DNA2: variants seen among roughly 807,000 people sequenced by gnomAD.
The protein encoded by DNA2 is DNA replication ATP-dependent helicase/nuclease DNA2.
A neutral mutation model predicts 119.1 loss-of-function variants in DNA2; 101 were observed. The observed-to-expected ratio is 0.85, with a 90% CI of 0.72 to 1.00. The LOEUF (loss-of-function observed/expected upper bound fraction) is 1.00. Among genes scored for constraint, DNA2 ranks in the 50% least tolerant of loss-of-function variants. DNA2 has a pLI of 0.00. For missense variants in DNA2, 1,121 were observed against 1,255.5 expected, an observed-to-expected ratio of 0.89 and a Z score of 1.62; for synonymous variants, 366 against 424.4, an observed-to-expected ratio of 0.86 and a Z score of 1.69.
Position 68,434,012 on chromosome 10 carries a change from C to T in DNA2, c.1647-1502G>A, listed in dbSNP as rs150641166. On this transcript the variant is annotated intron_variant, in intron 10 of 20. Transcript: ENST00000358410. ...TCCCTTGGGCTGGCATGGTGGCTCA[C>T]GCCTGTAATCCCAACACTTTGGGAA... Among the ~76,000 whole-genome samples, 1,271 of 152,300 alleles carry T rather than the reference C, an allele frequency of 8.3e-3. 20 individuals are homozygous for T. The highest frequency in any genetic ancestry group is 0.029 in the African/African-American group (1,210 of 41,554).
chr10:68,445,165 G>T (rs1343443016), intron 7 of DNA2, 82 bp from the exon 8 acceptor site: 5 of 1,321,230 alleles, frequency 3.8e-6, no homozygotes, highest in Non-Finnish European at 2.1e-6. Flanking sequence ...AAAACTTGCA[G>T]ATTTAAAAAC....
At chr10:68,436,932 A>G (rs2051896038) in intron 10 of DNA2, 79 bp downstream of exon 10, 1 of 1,146,648 alleles carries the variant, frequency 8.7e-7, no homozygotes, top group Admixed American at 2.2e-5. Flanking sequence ...AGCGAATTGT[A>G]CATTTTAAAT....
intron 5 of DNA2, among the ~76,000 whole-genome samples, chr10:68,456,910 G>A (rs1255406392): frequency 5.3e-5 from 8 of 151,642 alleles, no homozygotes; most frequent in Admixed American, 2.6e-4. Flanking sequence ...CAAGGTGGGC[G>A]GATTACAAGG....
chr10:68,462,768 C>T (rs1312615858), intron 4 of DNA2, among the ~76,000 whole-genome samples: 1 of 152,158 alleles, frequency 6.6e-6, no homozygotes, highest in African/African-American at 2.4e-5. Context: ...TAATAACTAC[C>T]TTACAGTGTC....
intron 10 of DNA2, among the ~76,000 whole-genome samples, chr10:68,435,681 T>TCTC (rs10668050): frequency 0.22 from 33,454 of 151,662 alleles, 3,898 homozygotes; most frequent in East Asian, 0.38. Context: ...ATGGTCTTGA[T>TCTC]CTGACCTTGT....
intron 6 of DNA2, among the ~76,000 whole-genome samples, chr10:68,448,002 T>C (rs1242077418): frequency 1.3e-5 from 2 of 149,880 alleles, no homozygotes; most frequent in Non-Finnish European, 3.0e-5. Context: ...AAAAATTTAA[T>C]TTACACAAAA....
At chr10:68,435,757 A>G (rs1025847828) in intron 10 of DNA2, among the ~76,000 whole-genome samples, 1 of 152,128 alleles carries the variant, frequency 6.6e-6, no homozygotes, top group Non-Finnish European at 1.5e-5. Context: ...CCCCGCCTAT[A>G]TATTTTTATT....
chr10:68,427,499 T>G (rs1192845281), intron 14 of DNA2, among the ~76,000 whole-genome samples: 1 of 149,496 alleles, frequency 6.7e-6, no homozygotes, highest in East Asian at 2.0e-4. Context: ...TTGAAAATAT[T>G]AGGCAGGCAT....
chr10:68,467,419 T>TC (rs71019004), intron 3 of DNA2, among the ~76,000 whole-genome samples: 2 of 125,460 alleles, frequency 1.6e-5, no homozygotes, highest in African/African-American at 7.4e-5. Context: ...CCAAAATACG[T>TC]TTTTTTTTTG....
intron 7 of DNA2, 79 bp from the exon 8 acceptor site, chr10:68,445,162 G>A: frequency 1.5e-6 from 2 of 1,346,708 alleles, no homozygotes; most frequent in Non-Finnish European, 2.0e-6. Flanking sequence ...TGTAAAACTT[G>A]CAGATTTAAA....
rs746828357 is a variant in DNA2, at chr10:68,419,885, G to T, written c.2705C>A (p.Ala902Glu). The T allele has an allele frequency of 1.2e-6, 2 of 1,613,596 alleles. No homozygotes were observed. The highest frequency in any genetic ancestry group is 1.7e-5 in the Admixed American group (1 of 59,978). Residue 902 changes from alanine (A) to glutamate (E), a missense_variant, in exon 18 of 21, where the codon GCG becomes GAG. Physicochemically the swap from Ala to Glu is moderately radical, Grantham distance 107 (BLOSUM62 -1). Coordinates refer to ENST00000358410, the MANE Select transcript of DNA2 (RefSeq NM_001080449.3). ...ACCACCTTTTTCAACTTGTTCTGGC[G>T]CTGGAACCTAAGTGGAAAAATATAC... is the stretch of plus-strand genomic sequence containing the variant. ...VCFLNTDKVPAPEQVEKGGVS... is the reference protein window; with the variant it reads ...VCFLNTDKVPEPEQVEKGGVS...
At chr10:68,450,630 A>C (rs1286768057) in intron 5 of DNA2, among the ~76,000 whole-genome samples, 1 of 152,170 alleles carries the variant, frequency 6.6e-6, no homozygotes, top group Non-Finnish European at 1.5e-5. Flanking sequence ...TTCCTACTAT[A>C]ATCTTCTTAA....
At chr10:68,453,361 G>T (rs2052144058) in intron 5 of DNA2, among the ~76,000 whole-genome samples, 1 of 152,146 alleles carries the variant, frequency 6.6e-6, no homozygotes, top group Non-Finnish European at 1.5e-5. Context: ...TACAAACCAT[G>T]AGAATTTTAG....
chr10:68,452,372 C>T (rs571394373), intron 5 of DNA2, among the ~76,000 whole-genome samples: 1 of 152,222 alleles, frequency 6.6e-6, no homozygotes, highest in African/African-American at 2.4e-5. Flanking sequence ...TGCACTGGGT[C>T]TGAAATTTCT....
intron 10 of DNA2, among the ~76,000 whole-genome samples, chr10:68,432,849 C>T (rs1050703281): frequency 6.6e-6 from 1 of 152,186 alleles, no homozygotes; most frequent in African/African-American, 2.4e-5. Context: ...ACCTGGAGTG[C>T]AGGCTTCTTT....
At chr10:68,471,262 T>C (rs1321011272) in intron 1 of DNA2, among the ~76,000 whole-genome samples, 2 of 152,230 alleles carry the variant, frequency 1.3e-5, no homozygotes, top group South Asian at 2.1e-4. Context: ...TTTCGCAAGA[T>C]TGGCTATGAT....
At chr10:68,427,221 T>C (rs1022511290) in intron 14 of DNA2, among the ~76,000 whole-genome samples, 2 of 147,882 alleles carry the variant, frequency 1.4e-5, no homozygotes, top group African/African-American at 5.0e-5. Context: ...AAAAAAAATA[T>C]GTGGCGCATG....
rs73274785 is a variant in DNA2, at chr10:68,422,577, G to C, written c.2430C>G (p.Phe810Leu). Residue 810 changes from phenylalanine to leucine, a missense_variant, in exon 16 of 21, where the codon TTC becomes TTG. Phe to Leu is a conservative substitution (Grantham distance 22). Transcript: ENST00000358410. Reference protein sequence around the residue: ...ARALGMSESLFKRLEQNKSAV... With the variant: ...ARALGMSESLLKRLEQNKSAV... The stretch of plus-strand genomic sequence containing the variant: ...CACTCTTATTCTGCTCCAGCCTCTT[G>C]AATAAGCTTTCACTCATGCCAAGAG... 1.6e-3 allele frequency: 2,546 copies of C among 1,614,006 alleles called. 36 individuals carry two copies. The African/African-American group carries it at 0.031, about 19-fold the overall frequency.
chr10:68,460,152 G>A (rs1007933483), intron 4 of DNA2, among the ~76,000 whole-genome samples: 1 of 151,690 alleles, frequency 6.6e-6, no homozygotes, highest in Non-Finnish European at 1.5e-5. Flanking sequence ...TGTCACCCAG[G>A]CTGGAGTGTA....
Sources: allele counts gnomAD v4.1 joint callset (sites outside exome capture counted in the v4.1 genomes callset), GRCh38; gene constraint gnomAD v4.1.1; transcripts MANE v1.5; gene names NCBI Gene and HGNC (gene_info 2026-07-23, HGNC 2026-07-21).